The following TANGO6 variants were observed in gnomAD, a reference collection of about 807,000 sequenced individuals.
TANGO6 encodes transport and golgi organization 6 homolog, also known as transport and Golgi organization protein 6 homolog.
In TANGO6, 90 loss-of-function variants were observed where a neutral mutation model predicts 114.2. The observed-to-expected ratio is 0.79, with a 90% CI of 0.66 to 0.94. TANGO6 has a LOEUF of 0.94. Among genes scored for constraint, TANGO6 ranks in the 40% least tolerant of loss-of-function variants. TANGO6 has a pLI of 0.00. For synonymous variants in TANGO6, 477 were observed against 509.8 expected (o/e 0.94, Z 0.87); for missense variants, 1,274 against 1,315.3 (o/e 0.97, Z 0.49).
At chr16:68,914,419 C>G (rs1962970969) in intron 11 of TANGO6, among the ~76,000 whole-genome samples, 1 of 152,176 alleles carries the variant, frequency 6.6e-6, no homozygotes, top group Non-Finnish European at 1.5e-5. Context: ...GCCTTGGCCT[C>G]CCAAAGTGCT....
intron 12 of TANGO6, among the ~76,000 whole-genome samples, chr16:68,921,530 T>TTTTTG (rs993824435): frequency 1.3e-5 from 2 of 151,860 alleles, no homozygotes; most frequent in Admixed American, 1.3e-4. Flanking sequence ...GCCAAATAGA[T>TTTTTG]TTTTGTTTTG....
In TANGO6 at chr16:68,851,482, G is replaced by A. The variant is rs574724409; in HGVS notation, c.94+7771G>A. On this transcript the variant is annotated intron_variant, in intron 1 of 17. Transcript: ENST00000261778. Reference sequence around the variant, plus strand: ...CTGCATCTTACTTTTTAAATTTAGTGTCTTAGCAATCGGTACATGATGGTA... The same window carrying A: ...CTGCATCTTACTTTTTAAATTTAGTATCTTAGCAATCGGTACATGATGGTA... Among the ~76,000 whole-genome samples the A allele has an allele frequency of 1.8e-4, 27 of 152,242 alleles. No homozygotes were observed. The East Asian group carries it at 3.7e-3, about 21-fold the overall frequency.
At chr16:68,892,583 C>T (rs905342198) in intron 7 of TANGO6, among the ~76,000 whole-genome samples, 3 of 150,408 alleles carry the variant, frequency 2.0e-5, no homozygotes, top group Non-Finnish European at 4.4e-5. Context: ...AGCATGATCT[C>T]GGCTCACTGC....
chr16:68,967,766 G>A (rs538037920), intron 14 of TANGO6, among the ~76,000 whole-genome samples: 15 of 152,290 alleles, frequency 9.8e-5, no homozygotes, highest in African/African-American at 3.1e-4. Context: ...CAGGAGAAAT[G>A]AGGCAGGTTA....
intron 17 of TANGO6, among the ~76,000 whole-genome samples, chr16:69,045,894 T>C (rs932696865): frequency 6.7e-5 from 10 of 148,602 alleles, no homozygotes; most frequent in Admixed American, 2.0e-4. Context: ...TGAAACCCCA[T>C]CTCTACTAAA....
chr16:68,990,109 A>G (rs1963934336), intron 15 of TANGO6, among the ~76,000 whole-genome samples: 2 of 152,202 alleles, frequency 1.3e-5, no homozygotes, highest in South Asian at 2.1e-4. Context: ...TCACAGCTCA[A>G]TGCAGCCTCA....
intron 15 of TANGO6, among the ~76,000 whole-genome samples, chr16:69,022,321 T>C (rs1400855591): frequency 6.6e-6 from 1 of 152,220 alleles, no homozygotes; most frequent in Non-Finnish European, 1.5e-5. Flanking sequence ...ACATGCTTTT[T>C]CACAAAACCA....
At chr16:68,924,283 C>A (rs1316141656) in intron 12 of TANGO6, among the ~76,000 whole-genome samples, 5 of 152,190 alleles carry the variant, frequency 3.3e-5, no homozygotes, top group Non-Finnish European at 5.9e-5. Context: ...GAGCTTTGGC[C>A]AGGTGCCAGT....
At chr16:68,915,164 ACT>A (rs1274664429) in intron 11 of TANGO6, among the ~76,000 whole-genome samples, 2 of 141,352 alleles carry the variant, frequency 1.4e-5, no homozygotes, top group African/African-American at 5.4e-5. Context: ...ACAGAGCTAA[ACT>A]CTGTCTCAAA....
rs372394169 is a variant in TANGO6 at position 69,083,499 on chromosome 16, C to G, written c.3123C>G (p.Val1041=). Residue 1041 remains valine, a synonymous_variant, in exon 18 of 18, where the codon GTC becomes GTG. Coordinates refer to ENST00000261778, the MANE Select transcript of TANGO6 (RefSeq NM_024562.2). ...SQKATEVLSA[V]LKDLYHLLKH... ...CTCTCATGCAGGTGCTGAGCGCCGT[C>G]CTCAAGGATCTCTACCACCTGCTGA... 13 of 1,611,312 alleles carry G rather than the reference C, an allele frequency of 8.1e-6. No homozygotes were observed. The African/African-American group carries it at 1.7e-4, about 22-fold the overall frequency.
At chr16:69,015,464 T>TTTTATTTATTTA (rs60863406) in intron 15 of TANGO6, among the ~76,000 whole-genome samples, 10,591 of 143,858 alleles carry the variant, frequency 0.074, 488 homozygotes, top group African/African-American at 0.098. Flanking sequence ...GCTCATTTTA[T>TTTTATTTATTTA]TTTATTTATT....
rs1314475382 is a variant in TANGO6, at chr16:68,946,196, C to CT, written c.2701+15914dup. On this transcript the variant is annotated intron_variant, in intron 14 of 17. Coordinates refer to ENST00000261778, the MANE Select transcript of TANGO6 (RefSeq NM_024562.2). ...CTAATTTCTGTTTCTTCTTCTTCTT[C>CT]TTTTTTTTTTTTTGACACTGAGTCT... Among the ~76,000 whole-genome samples the CT allele has an allele frequency of 3.3e-3, 483 of 144,770 alleles. 3 individuals carry two copies. Among genetic ancestry groups the CT allele is most frequent in the Middle Eastern group, 0.011 (3 of 274 alleles). 95.0% of individuals were successfully genotyped at this position (144,770 alleles called of 152,430 possible).
chr16:68,860,168 G>T lies in TANGO6; in HGVS notation c.379G>T (p.Glu127Ter), dbSNP rs774435932. Residue 127 changes from glutamate (E) to a stop codon, truncating the protein, a stop_gained, in exon 2 of 18, where the codon GAA becomes TAA. Coordinates refer to ENST00000261778, the MANE Select transcript of TANGO6 (RefSeq NM_024562.2). LOFTEE classifies it high-confidence loss of function. Reference sequence around the variant, plus strand: ...AGGTAAACCCAACCCTAGGACTCCGGAAGTTGCTCCTGCCCTGAGCCCCGA... The same window carrying T: ...AGGTAAACCCAACCCTAGGACTCCGTAAGTTGCTCCTGCCCTGAGCCCCGA... ...NPGKPNPRTP[E>*]VAPALSPDAL... 1 of 1,613,892 alleles carries T rather than the reference G, an allele frequency of 6.2e-7. No individual in the cohort carries two copies. The highest frequency in any genetic ancestry group is 1.3e-5 in the African/African-American group (1 of 74,930).
intron 11 of TANGO6, 121 bp from the exon 12 acceptor site, chr16:68,918,964 T>C: frequency 8.2e-7 from 1 of 1,216,942 alleles, no homozygotes; most frequent in African/African-American, 1.5e-5. Context: ...GCAGTTGTTC[T>C]GGATGGTTCT....
chr16:68,981,210 CTTTTT>C (rs553789256), intron 15 of TANGO6, among the ~76,000 whole-genome samples: 1 of 111,052 alleles, frequency 9.0e-6, no homozygotes, highest in Non-Finnish European at 1.8e-5. Context: ...TTTTCTTTTC[CTTTTT>C]TTTTTTTTTT....
intron 1 of TANGO6, among the ~76,000 whole-genome samples, chr16:68,855,046 C>A (rs1852525084): frequency 6.6e-6 from 1 of 151,030 alleles, no homozygotes; most frequent in South Asian, 2.1e-4. Context: ...GCTCTGTCAC[C>A]CAGGTTGGAG....
intron 16 of TANGO6, 107 bp from the exon 17 acceptor site, chr16:69,040,201 G>A: frequency 5.3e-6 from 5 of 937,856 alleles, no homozygotes; most frequent in Middle Eastern, 3.0e-4. Context: ...CCCTCTCTAA[G>A]CCAGATTGCT....
At chr16:68,998,614 C>T (rs535605419) in intron 15 of TANGO6, among the ~76,000 whole-genome samples, 1 of 151,896 alleles carries the variant, frequency 6.6e-6, no homozygotes, top group East Asian at 2.0e-4. Context: ...AACTGTAGTC[C>T]CAGCTACTTG....
Position 68,973,792 on chromosome 16 carries a change from G to C in TANGO6, c.2702-236G>C, listed in dbSNP as rs1597042979. The C allele has an allele frequency of 3.0e-5, 16 of 541,226 alleles. No homozygotes were observed. In the East Asian group the frequency reaches 5.0e-4, roughly 17 times the overall value. The allele number at this position is 541,226 out of a possible 1,614,324, so 33.5% of individuals were successfully genotyped here. On this transcript the variant is annotated intron_variant, in intron 14 of 17. Transcript: ENST00000261778. Reference sequence around the variant, plus strand: ...CTGGATCATAGAACGTCAGTGCTGGGAGTGACCTTAGAGATCGTATCAGGC... The same window carrying C: ...CTGGATCATAGAACGTCAGTGCTGGCAGTGACCTTAGAGATCGTATCAGGC...
Sources: gnomAD v4.1 joint callset for allele counts (sites outside exome capture counted in the v4.1 genomes callset) on GRCh38, gnomAD v4.1.1 for gene constraint, MANE v1.5 for transcripts, NCBI Gene and HGNC (gene_info 2026-07-23, HGNC 2026-07-21) for gene names.